SUMF1: variants seen among roughly 807,000 people sequenced by gnomAD.
SUMF1 encodes formylglycine-generating enzyme.
Under a neutral mutation model 47.6 loss-of-function variants are expected in SUMF1, and 48 were observed. That is an observed-to-expected ratio of 1.01 (90% CI 0.80 to 1.28). The LOEUF (loss-of-function observed/expected upper bound fraction) is 1.28, where lower values mean the gene tolerates loss of function less well. SUMF1 is among the 50% of genes most tolerant of loss of function. SUMF1 has a pLI of 0.00. For missense variants in SUMF1, 571 were observed against 485.4 expected (o/e 1.18, Z -1.66); for synonymous variants, 230 against 192.1 (o/e 1.20, Z -1.63).
At chr3:4,096,290 C>T (rs572385526) in intron 8 of SUMF1, among the ~76,000 whole-genome samples, 1 of 152,102 alleles carries the variant, frequency 6.6e-6, no homozygotes, top group Non-Finnish European at 1.5e-5. Flanking sequence ...AACACAAGGA[C>T]CCTAATTCCA....
intron 7 of SUMF1, 39 bp from the exon 8 acceptor site, chr3:4,376,428 C>A (rs1373162109): frequency 6.2e-7 from 1 of 1,605,440 alleles, no homozygotes; most frequent in Non-Finnish European, 8.5e-7. Flanking sequence ...GACCAGAAGG[C>A]AAAGCTGCCC....
At chr3:4,189,403 GT>G (rs1180323344) in intron 8 of SUMF1, among the ~76,000 whole-genome samples, 2 of 152,128 alleles carry the variant, frequency 1.3e-5, no homozygotes, top group East Asian at 3.9e-4. Context: ...AGACAGGCAT[GT>G]TAATTAAATT....
intron 8 of SUMF1, among the ~76,000 whole-genome samples, chr3:4,342,662 A>G (rs1699295425): frequency 6.6e-6 from 1 of 152,190 alleles, no homozygotes; most frequent in African/African-American, 2.4e-5. Context: ...AAGGTCCTCA[A>G]AGAATGTGCA....
At chr3:4,389,681 G>A (rs1203923994) in intron 7 of SUMF1, among the ~76,000 whole-genome samples, 1 of 152,146 alleles carries the variant, frequency 6.6e-6, no homozygotes, top group Non-Finnish European at 1.5e-5. Flanking sequence ...GCTCAGACTG[G>A]GTAATTTCTT....
intron 9 of SUMF1, among the ~76,000 whole-genome samples, chr3:4,050,080 CT>C (rs777403079): frequency 6.6e-6 from 1 of 151,932 alleles, no homozygotes; most frequent in Non-Finnish European, 1.5e-5. Flanking sequence ...CTTCTGGAGC[CT>C]GCAGTCTGGG....
intron 8 of SUMF1, among the ~76,000 whole-genome samples, chr3:4,235,151 G>A (rs1696380924): frequency 6.6e-6 from 1 of 152,256 alleles, no homozygotes; most frequent in South Asian, 2.1e-4. Flanking sequence ...AGAGACAAAG[G>A]AAAGTGGATG....
intron 8 of SUMF1, among the ~76,000 whole-genome samples, chr3:4,129,181 C>T (rs557965612): frequency 3.9e-5 from 6 of 152,124 alleles, no homozygotes; most frequent in East Asian, 1.9e-4. Flanking sequence ...TCATATCTAA[C>T]GGTGGGAATG....
At chr3:4,214,289 C>T (rs1447439473) in intron 8 of SUMF1, among the ~76,000 whole-genome samples, 2 of 152,170 alleles carry the variant, frequency 1.3e-5, no homozygotes, top group Non-Finnish European at 2.9e-5. Flanking sequence ...GGAAACTTAA[C>T]AACCTGCTCC....
chr3:4,388,432 G>A (rs1044091994), intron 7 of SUMF1, among the ~76,000 whole-genome samples: 29 of 151,620 alleles, frequency 1.9e-4, no homozygotes, highest in Non-Finnish European at 3.8e-4. Flanking sequence ...CCATCATTTT[G>A]TTGTCAACTT....
At chr3:4,384,149 C>T (rs1347643124) in intron 7 of SUMF1, among the ~76,000 whole-genome samples, 1 of 152,184 alleles carries the variant, frequency 6.6e-6, no homozygotes, top group African/African-American at 2.4e-5. Flanking sequence ...GTTCCAGTCC[C>T]TTTCAGTCTA....
intron 1 of SUMF1, among the ~76,000 whole-genome samples, chr3:4,466,516 G>A (rs2079950983): frequency 6.6e-6 from 1 of 152,120 alleles, no homozygotes; most frequent in African/African-American, 2.4e-5. Context: ...CTTCCTAAGT[G>A]CTAAAGTGCT....
intron 1 of SUMF1, among the ~76,000 whole-genome samples, chr3:4,459,590 T>C (rs1413385964): frequency 6.6e-6 from 1 of 152,220 alleles, no homozygotes; most frequent in Non-Finnish European, 1.5e-5. Flanking sequence ...TCATTTATGA[T>C]AAATTAGTAA....
intron 8 of SUMF1, among the ~76,000 whole-genome samples, chr3:4,235,210 C>A (rs1696381939): frequency 6.6e-6 from 1 of 152,020 alleles, no homozygotes; most frequent in Non-Finnish European, 1.5e-5. Context: ...TTATGACTGG[C>A]TGGATAAAGG....
At chr3:4,466,563 C>G (rs2079951507) in intron 1 of SUMF1, among the ~76,000 whole-genome samples, 1 of 152,160 alleles carries the variant, frequency 6.6e-6, no homozygotes, top group Non-Finnish European at 1.5e-5. Context: ...CCCTTGTCCT[C>G]AAGCAGAGTG....
At chr3:4,456,773 C>CGTGTGTGTGTATATATACGTGTAT (rs369002229) in intron 1 of SUMF1, among the ~76,000 whole-genome samples, 49 of 4,048 alleles carry the variant, frequency 0.012, 10 homozygotes, top group East Asian at 0.038. Context: ...TATATATACA[C>CGTGTGTGTGTATATATACGTGTAT]ATATATACGT....
chr3:4,305,096 GT>G (rs896215929), intron 8 of SUMF1, among the ~76,000 whole-genome samples: 50 of 151,702 alleles, frequency 3.3e-4, no homozygotes, highest in Non-Finnish European at 4.1e-4. Flanking sequence ...AAGATAAAGG[GT>G]TTTTTTTTGA....
intron 7 of SUMF1, among the ~76,000 whole-genome samples, chr3:4,391,492 T>C (rs1361120762): frequency 6.6e-6 from 1 of 152,168 alleles, no homozygotes; most frequent in Admixed American, 6.5e-5. Context: ...AATTTTTATG[T>C]ATTTATTTTG....
At chr3:4,151,221 GAATATA>G (rs1157490126) in intron 8 of SUMF1, among the ~76,000 whole-genome samples, 1 of 146,646 alleles carries the variant, frequency 6.8e-6, no homozygotes, top group Non-Finnish European at 1.5e-5. Context: ...AATGTATAAT[GAATATA>G]AATATATATA....
At chr3:4,429,532 G>A (rs866510820) in intron 3 of SUMF1, among the ~76,000 whole-genome samples, 2 of 152,100 alleles carry the variant, frequency 1.3e-5, no homozygotes, top group Admixed American at 6.5e-5. Flanking sequence ...TCCCACACAC[G>A]TTGTCTTGGA....
Sources: gnomAD v4.1 joint callset for allele counts (sites outside exome capture counted in the v4.1 genomes callset) on GRCh38, gnomAD v4.1.1 for gene constraint, MANE v1.5 for transcripts, NCBI Gene and HGNC (gene_info 2026-07-23, HGNC 2026-07-21) for gene names.